Variants in CFAP299 observed in about 807,000 individuals in gnomAD.
CFAP299 encodes cilia and flagella associated protein 299.
CFAP299 carries 21 observed loss-of-function variants against 27.0 expected under a neutral mutation model. The observed-to-expected ratio is 0.78, with a 90% CI of 0.55 to 1.12. The LOEUF (loss-of-function observed/expected upper bound fraction) is 1.12. CFAP299 is among the 50% of genes most tolerant of loss of function. The probability of loss-of-function intolerance (pLI) is 0.00; values close to 1 mark genes in which losing one functional copy is unlikely to be tolerated. For missense variants in CFAP299, 310 were observed against 276.6 expected, an observed-to-expected ratio of 1.12 and a Z score of -0.86; for synonymous variants, 104 against 98.1, an observed-to-expected ratio of 1.06 and a Z score of -0.36.
chr4:80,928,436 GA>G (rs1736411536), intron 4 of CFAP299, among the ~76,000 whole-genome samples: 1 of 151,972 alleles, frequency 6.6e-6, no homozygotes, highest in Non-Finnish European at 1.5e-5. Context: ...TACTATTCTA[GA>G]AAAGTCTAGA....
rs568525001 is a variant in CFAP299, at chr4:80,885,651, C to T, written c.476+15516C>T. 2.4e-4 allele frequency among the ~76,000 whole-genome samples: 36 copies of T among 152,200 alleles called. No individual in the cohort carries two copies. The South Asian group carries it at 7.3e-3, about 31-fold the overall frequency. ...GAACTAGGTACCTTGAAGGGAAGGACCCAGTCCTTGAAGGATTCATCACCT... is the reference window on the plus strand; with the variant it reads ...GAACTAGGTACCTTGAAGGGAAGGATCCAGTCCTTGAAGGATTCATCACCT... On this transcript the variant is annotated intron_variant, in intron 4 of 5. Transcript: ENST00000358105.
At chr4:80,615,232 G>C (rs961299537) in intron 3 of CFAP299, among the ~76,000 whole-genome samples, 2 of 152,156 alleles carry the variant, frequency 1.3e-5, no homozygotes, top group African/African-American at 4.8e-5. Flanking sequence ...TTTGAGCTTA[G>C]GGAACTGCAA....
chr4:80,568,586 A>T (rs886774920), intron 2 of CFAP299, among the ~76,000 whole-genome samples: 3 of 152,080 alleles, frequency 2.0e-5, no homozygotes, highest in African/African-American at 4.8e-5. Context: ...AATATAGTGG[A>T]TTGCATTAAT....
intron 3 of CFAP299, among the ~76,000 whole-genome samples, chr4:80,800,546 A>G (rs1261058959): frequency 4.9e-5 from 2 of 41,036 alleles, no homozygotes; most frequent in East Asian, 6.6e-4. Flanking sequence ...AATATATAAT[A>G]TATCAATATA....
At chr4:80,452,721 T>C (rs1235313270) in intron 2 of CFAP299, among the ~76,000 whole-genome samples, 1 of 152,226 alleles carries the variant, frequency 6.6e-6, no homozygotes, top group East Asian at 1.9e-4. Flanking sequence ...TTGATTACTT[T>C]GTTAAGCAGT....
intron 2 of CFAP299, among the ~76,000 whole-genome samples, chr4:80,479,341 T>C (rs561841646): frequency 6.6e-6 from 1 of 152,138 alleles, no homozygotes; most frequent in South Asian, 2.1e-4. Flanking sequence ...TTTGGAGGTA[T>C]CTCTTTCATC....
chr4:80,400,718 T>C (rs1381213088), intron 2 of CFAP299, among the ~76,000 whole-genome samples: 1 of 152,110 alleles, frequency 6.6e-6, no homozygotes, highest in African/African-American at 2.4e-5. Flanking sequence ...ACCAGTAAAG[T>C]TGGGCGTTGC....
intron 3 of CFAP299, among the ~76,000 whole-genome samples, chr4:80,825,866 T>G (rs1729959149): frequency 6.6e-6 from 1 of 151,942 alleles, no homozygotes; most frequent in African/African-American, 2.4e-5. Flanking sequence ...GTTATAAAAA[T>G]GGTTTGTAAC....
chr4:80,535,494 CAAAAAAAAAAAAAAAAAA>C lies in CFAP299; in HGVS notation c.243-47586_243-47569del, dbSNP rs143122836. 6.0e-5 allele frequency among the ~76,000 whole-genome samples: 2 copies of C among 33,252 alleles called. 1 individual carries two copies. The highest frequency in any genetic ancestry group is 1.6e-4 in the Non-Finnish European group (2 of 12,140). The allele number at this position is 33,252 out of a possible 152,430, so 21.8% of individuals were successfully genotyped here. A position where few individuals can be genotyped will look rare whatever the true frequency, so the allele number is the denominator to read the frequency against. Reference sequence around the variant, plus strand: ...TGGGCGACAGAGCGAGACTCCGTCTCAAAAAAAAAAAAAAAAAAAAAAAAAAAAAAGAACTGAAGAGCT... The same window carrying C: ...TGGGCGACAGAGCGAGACTCCGTCTCAAAAAAAAAAAAGAACTGAAGAGCT... On this transcript the variant is annotated intron_variant, in intron 2 of 5. Coordinates refer to ENST00000358105, the MANE Select transcript of CFAP299 (RefSeq NM_152770.3).
chr4:80,402,559 T>C (rs1172997359), intron 2 of CFAP299, among the ~76,000 whole-genome samples: 1 of 152,168 alleles, frequency 6.6e-6, no homozygotes, highest in Non-Finnish European at 1.5e-5. Flanking sequence ...GAACTGTAAG[T>C]CCAATTAAAA....
chr4:80,472,264 C>G (rs1034188762), intron 2 of CFAP299, among the ~76,000 whole-genome samples: 1 of 151,942 alleles, frequency 6.6e-6, no homozygotes, highest in Non-Finnish European at 1.5e-5. Flanking sequence ...AGATAGTAAG[C>G]GGGGAGGAGA....
At chr4:80,929,962 G>A (rs999000997) in intron 4 of CFAP299, among the ~76,000 whole-genome samples, 2 of 152,098 alleles carry the variant, frequency 1.3e-5, no homozygotes, top group East Asian at 1.9e-4. Context: ...CTTCTTCAAA[G>A]TGATGTCTTT....
At chr4:80,328,485 T>C in the CFAP299 span, among the ~76,000 whole-genome samples, 1 of 145,684 alleles carries the variant, frequency 6.9e-6, no homozygotes, top group Middle Eastern at 3.2e-3. Context: ...CAAGTGTAGA[T>C]AGGGTTGTAT....
chr4:80,397,331 G>T (rs2110044285), intron 2 of CFAP299, among the ~76,000 whole-genome samples: 1 of 152,190 alleles, frequency 6.6e-6, no homozygotes, highest in Non-Finnish European at 1.5e-5. Context: ...CAGAAAACCA[G>T]CTCCTGGATT....
At chr4:80,533,473 C>T (rs1733570734) in intron 2 of CFAP299, among the ~76,000 whole-genome samples, 1 of 152,096 alleles carries the variant, frequency 6.6e-6, no homozygotes, top group Non-Finnish European at 1.5e-5. Flanking sequence ...GCCACTAAAT[C>T]CCTTTTTCTT....
intron 3 of CFAP299, among the ~76,000 whole-genome samples, chr4:80,750,063 C>T (rs1408242686): frequency 4.6e-5 from 7 of 151,982 alleles, no homozygotes; most frequent in African/African-American, 1.7e-4. Flanking sequence ...AAATATATTC[C>T]AAACTATGAC....
intron 4 of CFAP299, among the ~76,000 whole-genome samples, chr4:80,884,769 G>A (rs1316368793): frequency 2.6e-5 from 4 of 151,892 alleles, no homozygotes; most frequent in African/African-American, 9.7e-5. Context: ...GAGAGAGGGT[G>A]GAGCAAGATG....
intron 2 of CFAP299, among the ~76,000 whole-genome samples, chr4:80,374,064 G>A (rs1042842238): frequency 7.9e-5 from 12 of 152,190 alleles, no homozygotes; most frequent in African/African-American, 2.9e-4. Flanking sequence ...TGCACTCAGT[G>A]TAGGCCATTG....
intron 3 of CFAP299, among the ~76,000 whole-genome samples, chr4:80,866,062 T>TATATATATAC (rs1732716692): frequency 2.0e-5 from 1 of 49,320 alleles, no homozygotes; most frequent in Non-Finnish European, 3.3e-5. Context: ...TAAAGTATTA[T>TATATATATAC]ATATATATAT....
Sources: gnomAD v4.1 joint callset for allele counts (sites outside exome capture counted in the v4.1 genomes callset) on GRCh38, gnomAD v4.1.1 for gene constraint, MANE v1.5 for transcripts, NCBI Gene and HGNC (gene_info 2026-07-23, HGNC 2026-07-21) for gene names.